URB2: variants seen among roughly 807,000 people sequenced by gnomAD.
URB2 encodes URB2 ribosome biogenesis homolog.
In URB2, 86 loss-of-function variants were observed where a neutral mutation model predicts 120.9. The ratio of observed to expected loss-of-function variants is 0.71; its 90% CI spans 0.60 to 0.85. The LOEUF is 0.85. Among genes scored for constraint, URB2 ranks in the 40% least tolerant of loss-of-function variants. The pLI is 0.00. For synonymous variants in URB2, 755 were observed against 758.4 expected, an observed-to-expected ratio of 1.00 and a Z score of 0.07; for missense variants, 1,765 against 1,836.5, an observed-to-expected ratio of 0.96 and a Z score of 0.71.
At chr1:229,643,501 A>G (rs376864307) in intron 4 of URB2, 32 bp from the exon 5 acceptor site, 4 of 1,613,322 alleles carry the variant, frequency 2.5e-6, no homozygotes, top group Non-Finnish European at 3.4e-6. Flanking sequence ...CACCTGTCAC[A>G]TCTTAACAAT....
chr1:229,634,207 A>AT (rs56934135), intron 3 of URB2, among the ~76,000 whole-genome samples: 92 of 143,206 alleles, frequency 6.4e-4, no homozygotes, highest in African/African-American at 1.8e-3. Context: ...ATAAACATGC[A>AT]TTTTTTTTTC....
chr1:229,637,226 C>T lies in URB2; in HGVS notation c.2613C>T (p.Ala871=). ...GTATAGAACCTAGAGGAGAAATTGC[C>T]CAGAACTTACTGTCCCTGGTCAAGA... The part of the protein sequence containing the change: ...PEGIEPRGEI[A]QNLLSLVKSD... Residue 871 remains alanine (A), a synonymous_variant, in exon 4 of 10, where the codon GCC becomes GCT. Coordinates refer to ENST00000258243, the MANE Select transcript of URB2 (RefSeq NM_014777.4). 2 of 1,613,720 alleles carry T rather than the reference C, an allele frequency of 1.2e-6. No homozygotes were observed. Among genetic ancestry groups the T allele is most frequent in the Non-Finnish European group, 1.7e-6 (2 of 1,179,722 alleles).
chr1:229,651,481 A>G (rs149788189), intron 8 of URB2, among the ~76,000 whole-genome samples, 159 bp downstream of exon 8: 81 of 152,382 alleles, frequency 5.3e-4, no homozygotes, highest in African/African-American at 1.9e-3. Context: ...AAAATTTCAA[A>G]TGGTCACATT....
chr1:229,649,920 G>A (rs993835946), intron 7 of URB2, among the ~76,000 whole-genome samples: 1 of 152,182 alleles, frequency 6.6e-6, no homozygotes, highest in Non-Finnish European at 1.5e-5. Flanking sequence ...AACCCAGATA[G>A]TTCCAAAAGG....
In URB2 at chr1:229,636,526, C is replaced by T. The variant is rs1015144628; in HGVS notation, c.1913C>T (p.Ala638Val). The change falls in exon 4 of 10, where the codon GCT (alanine) becomes GTT (valine). Residue 638 changes from alanine (A) to valine (V), a missense_variant. Coordinates refer to ENST00000258243, the MANE Select transcript of URB2 (RefSeq NM_014777.4). ...ATGTCTGGGCCCCTTATAGGTGTTGCTCTGGAGATCTCGAACCTCCCTTCG... is the reference window on the plus strand; with the variant it reads ...ATGTCTGGGCCCCTTATAGGTGTTGTTCTGGAGATCTCGAACCTCCCTTCG... ...HSMSGPLIGV[A>V]LEISNLPSLL... The T allele has an allele frequency of 6.2e-7, 1 of 1,614,212 alleles. No homozygotes were observed. The highest frequency in any genetic ancestry group is 1.7e-5 in the Admixed American group (1 of 60,034).
In URB2 at chr1:229,637,036, AT is replaced by A. The variant is rs776175017; in HGVS notation, c.2425del (p.Ser809LeufsTer4). On this transcript the variant is annotated frameshift_variant, in exon 4 of 10. Coordinates refer to ENST00000258243, the MANE Select transcript of URB2 (RefSeq NM_014777.4). LOFTEE classifies it high-confidence loss of function. ...SPLFPEMQSL[H>X]SAFLTCVTTS... ...CTCTTTCCAGAGATGCAGTCCCTTC[AT>A]TCTGCTTTCTTAACGTGCGTAACCA... 2 of 1,614,076 alleles carry A rather than the reference AT, an allele frequency of 1.2e-6. No individual in the cohort carries two copies. Among genetic ancestry groups the A allele is most frequent in the Admixed American group, 3.3e-5 (2 of 60,028 alleles).
chr1:229,647,960 G>A (rs1035484385), intron 7 of URB2, among the ~76,000 whole-genome samples: 4 of 152,132 alleles, frequency 2.6e-5, no homozygotes, highest in Middle Eastern at 3.2e-3. Flanking sequence ...GTTTGTGAGC[G>A]AGTTTTTCTT....
Position 229,635,009 on chromosome 1 carries a change from A to G in URB2, c.396A>G (p.Thr132=). 1.2e-6 allele frequency: 2 copies of G among 1,613,280 alleles called. No homozygotes were observed. The highest frequency in any genetic ancestry group is 1.7e-6 in the Non-Finnish European group (2 of 1,179,406). ...GATGTTGCCAGGGCATCCTGTCGAC[A>G]CCTGCCCTGGCTGTCATCTACACGG... ...VLRCCQGILS[T]PALAVIYTAK... The change falls in exon 4 of 10, where the codon ACA becomes ACG. Residue 132 remains threonine, a synonymous_variant. Transcript: ENST00000258243.
In URB2 at chr1:229,659,186, C is replaced by T; in HGVS notation, c.4464C>T (p.Phe1488=). 1 of 1,613,734 alleles carries T rather than the reference C, an allele frequency of 6.2e-7. No homozygotes were observed. Among genetic ancestry groups the T allele is most frequent in the Non-Finnish European group, 8.5e-7 (1 of 1,180,042 alleles). ...LDLCIEPDVQ[F]LRASLQPGMR... is the part of the protein sequence containing the mutation. ...TCTGCATCGAGCCTGACGTCCAGTT[C>T]CTGCGGGCCTCGCTGCAGCCGGGAA... Residue 1488 remains phenylalanine, a synonymous_variant, in exon 10 of 10, where the codon TTC becomes TTT. Transcript: ENST00000258243.
intron 9 of URB2, among the ~76,000 whole-genome samples, chr1:229,658,555 T>C (rs1468025331): frequency 6.6e-6 from 1 of 152,236 alleles, no homozygotes; most frequent in Non-Finnish European, 1.5e-5. Context: ...TGATGTGATC[T>C]AATTACTAGT....
At chr1:229,644,898 T>C (rs1666103051) in intron 5 of URB2, among the ~76,000 whole-genome samples, 1 of 152,232 alleles carries the variant, frequency 6.6e-6, no homozygotes, top group Admixed American at 6.5e-5. Context: ...TTTAAAACCT[T>C]ATTTTTCAAA....
chr1:229,629,397 A>G (rs2102778241), intron 2 of URB2, among the ~76,000 whole-genome samples: 1 of 152,316 alleles, frequency 6.6e-6, no homozygotes, highest in Non-Finnish European at 1.5e-5. Context: ...TCTAACTTTT[A>G]GAACTTGGTA....
At chr1:229,643,090 A>T (rs764359444) in intron 4 of URB2, among the ~76,000 whole-genome samples, 14 of 152,250 alleles carry the variant, frequency 9.2e-5, no homozygotes, top group Non-Finnish European at 1.8e-4. Flanking sequence ...GTAGGTTATC[A>T]TCAAGGTCTT....
rs772439778 is a variant in URB2, at chr1:229,637,338, C to T, written c.2725C>T (p.Leu909Phe). 1.9e-6 allele frequency: 3 copies of T among 1,614,196 alleles called. No individual in the cohort carries two copies. Among genetic ancestry groups the T allele is most frequent in the South Asian group, 1.1e-5 (1 of 91,082 alleles). ...EVISALQLDS[L>F]LPPYHVHYFL... ...GATTTCTGCCTTACAGCTGGACAGCCTCTTGCCACCCTATCATGTGCATTA... is the reference window on the plus strand; with the variant it reads ...GATTTCTGCCTTACAGCTGGACAGCTTCTTGCCACCCTATCATGTGCATTA... The change falls in exon 4 of 10, where the codon CTC becomes TTC. Residue 909 changes from leucine (L) to phenylalanine (F), a missense_variant. By Grantham distance (22) the Leu-to-Phe change is conservative (BLOSUM62 0). Coordinates refer to ENST00000258243, the MANE Select transcript of URB2 (RefSeq NM_014777.4).
chr1:229,642,511 G>A (rs567238154), intron 4 of URB2, among the ~76,000 whole-genome samples: 1 of 152,176 alleles, frequency 6.6e-6, no homozygotes, highest in African/African-American at 2.4e-5. Context: ...TAGGCAGATG[G>A]GGCTGAAGCG....
chr1:229,632,893 T>G (rs2102781368), intron 3 of URB2, among the ~76,000 whole-genome samples: 1 of 145,580 alleles, frequency 6.9e-6, no homozygotes, highest in Admixed American at 7.1e-5. Context: ...CGGGGCCACC[T>G]CAGTTTTTGA....
Position 229,643,681 on chromosome 1 carries a change from A to G in URB2, c.3783A>G (p.Lys1261=). 1 of 1,613,686 alleles carries G rather than the reference A, an allele frequency of 6.2e-7. No individual in the cohort carries two copies. Among genetic ancestry groups the G allele is most frequent in the Non-Finnish European group, 8.5e-7 (1 of 1,179,848 alleles). ...LQGLDVSNMW[K]ADVQAVVSAV... is the part of the protein sequence containing the mutation. ...GACTGGATGTCAGTAACATGTGGAAAGCAGATGTGCAGGTGGGTGCCTTCT... is the reference window on the plus strand; with the variant it reads ...GACTGGATGTCAGTAACATGTGGAAGGCAGATGTGCAGGTGGGTGCCTTCT... The change falls in exon 5 of 10, where the codon AAA becomes AAG. Residue 1261 remains lysine (K), a synonymous_variant. Transcript: ENST00000258243.
In URB2 at chr1:229,635,748, A is replaced by G. The variant is rs773533297; in HGVS notation, c.1135A>G (p.Arg379Gly). The G allele has an allele frequency of 7.4e-6, 12 of 1,614,100 alleles. No homozygotes were observed. Among genetic ancestry groups the G allele is most frequent in the Non-Finnish European group, 1.0e-5 (12 of 1,180,060 alleles). The part of the protein sequence containing the change: ...NNNIYNIAAD[R>G]IRHEEAQFRF... ...CAATATCTACAACATCGCTGCCGACAGAATTCGGCACGAAGAGGCTCAGTT... is the reference window on the plus strand; with the variant it reads ...CAATATCTACAACATCGCTGCCGACGGAATTCGGCACGAAGAGGCTCAGTT... Residue 379 changes from arginine (R) to glycine (G), a missense_variant, in exon 4 of 10, where the codon AGA becomes GGA. Transcript: ENST00000258243.
chr1:229,630,196 A>G (rs1365153129), intron 2 of URB2, among the ~76,000 whole-genome samples: 3 of 152,226 alleles, frequency 2.0e-5, no homozygotes, highest in Non-Finnish European at 4.4e-5. Context: ...GATTCTTTCC[A>G]GAAGATCTTC....
Sources: allele counts gnomAD v4.1 joint callset (sites outside exome capture counted in the v4.1 genomes callset), GRCh38; gene constraint gnomAD v4.1.1; transcripts MANE v1.5; gene names NCBI Gene and HGNC (gene_info 2026-07-23, HGNC 2026-07-21).